The following PDXDC1 variants were observed in gnomAD, a reference collection of about 807,000 sequenced individuals.
PDXDC1 encodes pyridoxal-dependent decarboxylase domain-containing protein 1.
Under a neutral mutation model 100.1 loss-of-function variants are expected in PDXDC1, and 42 were observed. The observed-to-expected ratio is 0.42, with a 90% CI of 0.33 to 0.54. The LOEUF is 0.54. Ranked by LOEUF, PDXDC1 falls within the 20% of genes least tolerant of loss-of-function variation. The pLI is 0.10. For missense variants in PDXDC1, 636 were observed against 979.2 expected, an observed-to-expected ratio of 0.65 and a Z score of 4.68; for synonymous variants, 260 against 371.7, an observed-to-expected ratio of 0.70 and a Z score of 3.46.
intron 12 of PDXDC1, among the ~76,000 whole-genome samples, chr16:15,022,357 G>A (rs371275431): frequency 9.2e-5 from 14 of 151,920 alleles, no homozygotes; most frequent in Middle Eastern, 3.4e-3. Context: ...GCTCTTGAGC[G>A]TGCTGCATCC....
chr16:15,123,095 C>G (rs1474974497), intron 16 of PDXDC1, among the ~76,000 whole-genome samples: 4 of 150,392 alleles, frequency 2.7e-5, no homozygotes, highest in Non-Finnish European at 5.9e-5. Context: ...CTGCTTTCCA[C>G]CAAACCTTCT....
intron 8 of PDXDC1, among the ~76,000 whole-genome samples, chr16:15,013,903 C>A (rs2041562382): frequency 6.9e-6 from 1 of 145,326 alleles, no homozygotes; most frequent in East Asian, 2.2e-4. Context: ...AAAAATCATA[C>A]TACAATAAAA....
At chr16:15,102,549 A>T (rs1241174957) in intron 16 of PDXDC1, among the ~76,000 whole-genome samples, 1 of 151,090 alleles carries the variant, frequency 6.6e-6, no homozygotes, top group Non-Finnish European at 1.5e-5. Flanking sequence ...CCAGAGAGGG[A>T]GGCAGGCAGG....
chr16:15,135,518 C>A, intron 16 of PDXDC1: 2 of 1,112,036 alleles, frequency 1.8e-6, no homozygotes, highest in Non-Finnish European at 2.7e-6. Context: ...GCGGGAGACC[C>A]CCTCCCCATG....
chr16:15,094,153 C>A, intron 16 of PDXDC1: 2 of 1,598,672 alleles, frequency 1.3e-6, no homozygotes, highest in Middle Eastern at 1.7e-4. Flanking sequence ...ACCCAGTCCT[C>A]GACGCGCCCA....
intron 16 of PDXDC1, among the ~76,000 whole-genome samples, chr16:15,091,058 T>A (rs1166528352): frequency 6.6e-6 from 1 of 152,084 alleles, no homozygotes; most frequent in Non-Finnish European, 1.5e-5. Context: ...CACTGTGAGA[T>A]GTTTAGCAGC....
chr16:15,127,828 T>G, intron 16 of PDXDC1: 9 of 1,563,020 alleles, frequency 5.8e-6, no homozygotes, highest in Non-Finnish European at 7.8e-6. Flanking sequence ...GAGCCAGATG[T>G]GCTTGTCAAA....
chr16:15,092,133 C>A (rs1225186269), intron 16 of PDXDC1, among the ~76,000 whole-genome samples: 2 of 152,090 alleles, frequency 1.3e-5, no homozygotes, highest in African/African-American at 2.4e-5. Flanking sequence ...GAGCCGAGGT[C>A]ACGCCACTGC....
chr16:15,129,069 T>G (rs2047914885), intron 16 of PDXDC1, among the ~76,000 whole-genome samples: 3 of 151,668 alleles, frequency 2.0e-5, no homozygotes, highest in Admixed American at 2.0e-4. Flanking sequence ...CCTCCCAAAG[T>G]GCTCGGATTA....
chr16:14,986,613 T>G (rs1310382656), intron 1 of PDXDC1, among the ~76,000 whole-genome samples: 1 of 152,300 alleles, frequency 6.6e-6, no homozygotes, highest in African/African-American at 2.4e-5. Context: ...ACAACAGAAT[T>G]AACTGTACTT....
intron 16 of PDXDC1, among the ~76,000 whole-genome samples, chr16:15,081,717 G>A (rs2045710944): frequency 6.6e-6 from 1 of 152,074 alleles, no homozygotes; most frequent in African/African-American, 2.4e-5. Flanking sequence ...GGTTGCTTGT[G>A]CTTAGGCATC....
At chr16:15,082,013 T>C (rs2045726646) in intron 16 of PDXDC1, among the ~76,000 whole-genome samples, 1 of 152,226 alleles carries the variant, frequency 6.6e-6, no homozygotes, top group African/African-American at 2.4e-5. Flanking sequence ...ATTTCTTGTG[T>C]GTGTGTAAAC....
intron 16 of PDXDC1, among the ~76,000 whole-genome samples, chr16:15,046,423 C>G (rs2044065735): frequency 6.6e-6 from 1 of 152,166 alleles, no homozygotes; most frequent in Non-Finnish European, 1.5e-5. Flanking sequence ...GACAGCAGGC[C>G]TGTGTCGTCG....
intron 16 of PDXDC1, chr16:15,083,807 C>G: frequency 2.3e-6 from 1 of 438,096 alleles, no homozygotes; most frequent in East Asian, 5.4e-5. Context: ...ACCTCCGCCT[C>G]CCAGGTTCAA....
intron 16 of PDXDC1, chr16:15,045,306 AAAAT>A (rs757333586): frequency 4.6e-5 from 7 of 151,894 alleles, no homozygotes; most frequent in African/African-American, 1.5e-4. Flanking sequence ...TCAGGGGGAA[AAAAT>A]AAATAAGTAA....
At chr16:15,027,742 G>T (rs939632266) in intron 14 of PDXDC1, among the ~76,000 whole-genome samples, 1 of 152,290 alleles carries the variant, frequency 6.6e-6, no homozygotes, top group East Asian at 1.9e-4. Context: ...CCAGCCGCTT[G>T]TGTCTTTTTC....
intron 16 of PDXDC1, among the ~76,000 whole-genome samples, chr16:15,077,035 A>T (rs1457814446): frequency 6.7e-6 from 1 of 150,048 alleles, no homozygotes; most frequent in Admixed American, 6.7e-5. Context: ...GCTGGAATAC[A>T]ATGGCAAGAT....
At chr16:15,009,241 A>G in intron 7 of PDXDC1, 1 of 353,284 alleles carries the variant, frequency 2.8e-6, no homozygotes, top group Non-Finnish European at 4.8e-6. Context: ...TTATTTTCAG[A>G]CATGCAGGTG....
At chr16:15,132,518 C>A (rs1331242854) in intron 16 of PDXDC1, among the ~76,000 whole-genome samples, 1 of 150,518 alleles carries the variant, frequency 6.6e-6, no homozygotes, top group Non-Finnish European at 1.5e-5. Context: ...ACCCTGGGTC[C>A]CCCGAGAGGC....
Sources: gnomAD v4.1 joint callset for allele counts (sites outside exome capture counted in the v4.1 genomes callset) on GRCh38, gnomAD v4.1.1 for gene constraint, MANE v1.5 for transcripts, NCBI Gene and HGNC (gene_info 2026-07-23, HGNC 2026-07-21) for gene names.